MAPKAP1: variants seen among roughly 807,000 people sequenced by gnomAD.
MAPKAP1 encodes target of rapamycin complex 2 subunit MAPKAP1.
MAPKAP1 carries 20 observed loss-of-function variants against 65.7 expected under a neutral mutation model. The ratio of observed to expected loss-of-function variants is 0.30; its 90% CI spans 0.21 to 0.44. MAPKAP1 has a LOEUF of 0.44. Ranked by LOEUF, MAPKAP1 falls within the 20% of genes least tolerant of loss-of-function variation. MAPKAP1 has a pLI of 1.00. For missense variants in MAPKAP1, 423 were observed against 648.0 expected, an observed-to-expected ratio of 0.65 and a Z score of 3.77; for synonymous variants, 222 against 244.3, an observed-to-expected ratio of 0.91 and a Z score of 0.85.
In MAPKAP1 at chr9:125,646,486, T is replaced by C. The variant is rs553329065; in HGVS notation, c.498+11165A>G. Among the ~76,000 whole-genome samples, 4 of 152,316 alleles carry C rather than the reference T, an allele frequency of 2.6e-5. No homozygotes were observed. The East Asian group carries it at 7.7e-4, about 29-fold the overall frequency. On this transcript the variant is annotated intron_variant, in intron 4 of 11. Coordinates refer to ENST00000265960, the MANE Select transcript of MAPKAP1 (RefSeq NM_001006617.3). Reference sequence around the variant, plus strand: ...TGAGGACTGAACAAATTGCTACATATCAAGTCCATTAGAGGACTTGGTACA... The same window carrying C: ...TGAGGACTGAACAAATTGCTACATACCAAGTCCATTAGAGGACTTGGTACA...
At chr9:125,586,772 C>T (rs1200716659) in intron 4 of MAPKAP1, among the ~76,000 whole-genome samples, 1 of 152,152 alleles carries the variant, frequency 6.6e-6, no homozygotes, top group East Asian at 1.9e-4. Flanking sequence ...GTTCACCACA[C>T]AGAGTATATA....
At chr9:125,611,805 T>C (rs1054696115) in intron 4 of MAPKAP1, among the ~76,000 whole-genome samples, 1 of 152,066 alleles carries the variant, frequency 6.6e-6, no homozygotes, top group African/African-American at 2.4e-5. Flanking sequence ...CATCACAATA[T>C]ACAAAGAAAA....
intron 4 of MAPKAP1, among the ~76,000 whole-genome samples, chr9:125,590,782 C>CT (rs542110763): frequency 4.3e-4 from 63 of 147,244 alleles, no homozygotes; most frequent in Middle Eastern, 3.5e-3. Flanking sequence ...TCTATCATAA[C>CT]TTTTTTTTTT....
chr9:125,559,571 A>G (rs530937704), intron 6 of MAPKAP1, 62 bp downstream of exon 6: 1 of 1,498,402 alleles, frequency 6.7e-7, no homozygotes, highest in Admixed American at 2.0e-5. Context: ...AACCAAAATC[A>G]GATCCAAAAT....
chr9:125,703,514 GT>G (rs779287762), intron 1 of MAPKAP1, among the ~76,000 whole-genome samples: 1 of 152,166 alleles, frequency 6.6e-6, no homozygotes, highest in Non-Finnish European at 1.5e-5. Context: ...GCTCACGCCT[GT>G]AATCCCAGCA....
At chr9:125,588,106 A>G (rs1831843920) in intron 4 of MAPKAP1, among the ~76,000 whole-genome samples, 3 of 152,220 alleles carry the variant, frequency 2.0e-5, no homozygotes, top group African/African-American at 7.2e-5. Flanking sequence ...TCACATTGAA[A>G]CTTGGACAAA....
At chr9:125,641,342 T>C (rs1833571843) in intron 4 of MAPKAP1, among the ~76,000 whole-genome samples, 1 of 152,214 alleles carries the variant, frequency 6.6e-6, no homozygotes, top group Admixed American at 6.5e-5. Context: ...ACTATATAGT[T>C]TAAGATGTCA....
chr9:125,635,404 C>T (rs1833395671), intron 4 of MAPKAP1, among the ~76,000 whole-genome samples: 1 of 152,182 alleles, frequency 6.6e-6, no homozygotes, highest in Non-Finnish European at 1.5e-5. Flanking sequence ...TCTTAGCTCC[C>T]CAGCTGCTGC....
At chr9:125,451,378 T>C (rs566874377) in intron 10 of MAPKAP1, among the ~76,000 whole-genome samples, 1 of 152,342 alleles carries the variant, frequency 6.6e-6, no homozygotes, top group East Asian at 1.9e-4. Flanking sequence ...CCTTAAGCAA[T>C]GGTCTTCCTG....
At chr9:125,445,965 T>A (rs1388829762) in intron 10 of MAPKAP1, among the ~76,000 whole-genome samples, 1 of 152,210 alleles carries the variant, frequency 6.6e-6, no homozygotes, top group Non-Finnish European at 1.5e-5. Context: ...CGCCCAGAAA[T>A]GACCTTCCCT....
intron 6 of MAPKAP1, among the ~76,000 whole-genome samples, chr9:125,551,105 TAAAA>T (rs902798753): frequency 9.9e-5 from 15 of 152,102 alleles, no homozygotes; most frequent in African/African-American, 3.4e-4. Flanking sequence ...AAATAAATGA[TAAAA>T]AAAGAAATAA....
chr9:125,625,265 A>T (rs1382958677), intron 4 of MAPKAP1, among the ~76,000 whole-genome samples: 12 of 145,376 alleles, frequency 8.3e-5, no homozygotes, highest in African/African-American at 1.6e-4. Context: ...TAAAAAAAAA[A>T]AAAAAAAAAA....
intron 5 of MAPKAP1, among the ~76,000 whole-genome samples, chr9:125,571,635 T>C (rs1347983838): frequency 6.6e-6 from 1 of 152,060 alleles, no homozygotes; most frequent in Admixed American, 6.5e-5. Context: ...GGCAGGTGGA[T>C]CACCTGAGGT....
chr9:125,448,411 T>C (rs1852801203), intron 10 of MAPKAP1, among the ~76,000 whole-genome samples: 1 of 152,206 alleles, frequency 6.6e-6, no homozygotes, highest in Admixed American at 6.5e-5. Flanking sequence ...ATTTCCACCA[T>C]AGGTGTCTGG....
chr9:125,459,180 C>T lies in MAPKAP1; in HGVS notation c.1345+8792G>A, dbSNP rs1480637046. ...GGCGCTCCTCACATCCCAGACGGGG[C>T]GGCGGGGCAGAGGCGCTCCCCACAT... On this transcript the variant is annotated intron_variant, in intron 10 of 11. Coordinates refer to ENST00000265960, the MANE Select transcript of MAPKAP1 (RefSeq NM_001006617.3). Among the ~76,000 whole-genome samples the T allele has an allele frequency of 7.7e-4, 105 of 137,088 alleles. 1 individual carries two copies. The highest frequency in any genetic ancestry group is 6.9e-3 in the East Asian group (30 of 4,330). 89.9% of individuals were successfully genotyped at this position (137,088 alleles called of 152,430 possible).
At chr9:125,559,548 A>T (rs146481224) in intron 6 of MAPKAP1, 85 bp downstream of exon 6, 18,844 of 1,262,694 alleles carry the variant, frequency 0.015, 190 homozygotes, top group South Asian at 0.032. Flanking sequence ...AATATCATTT[A>T]TTTGATGAAC....
At chr9:125,672,242 A>G (rs1012654762) in intron 2 of MAPKAP1, 74 bp downstream of exon 2, 2 of 1,526,198 alleles carry the variant, frequency 1.3e-6, no homozygotes, top group African/African-American at 2.7e-5. Context: ...AGCCTATTCC[A>G]ATATTATGCA....
At chr9:125,542,881 C>A in intron 7 of MAPKAP1, 178 bp downstream of exon 7, 1 of 751,634 alleles carries the variant, frequency 1.3e-6, no homozygotes, top group South Asian at 1.4e-5. Flanking sequence ...TGACCCAGTC[C>A]CTTTCTGAGG....
At chr9:125,665,714 C>A (rs1226079327) in intron 3 of MAPKAP1, among the ~76,000 whole-genome samples, 1 of 151,902 alleles carries the variant, frequency 6.6e-6, no homozygotes, top group Non-Finnish European at 1.5e-5. Context: ...CAGGTGAGGC[C>A]TAGAAATGTA....
Sources: gnomAD v4.1 joint callset for allele counts (sites outside exome capture counted in the v4.1 genomes callset) on GRCh38, gnomAD v4.1.1 for gene constraint, MANE v1.5 for transcripts, NCBI Gene and HGNC (gene_info 2026-07-23, HGNC 2026-07-21) for gene names.